Variants in SAMD3 observed in about 807,000 individuals in gnomAD.
SAMD3 encodes sterile alpha motif domain containing 3.
In SAMD3, 63 loss-of-function variants were observed where a neutral mutation model predicts 58.5. The ratio of observed to expected loss-of-function variants is 1.08; its 90% CI spans 0.88 to 1.33. SAMD3 has a LOEUF of 1.33. Among genes scored for constraint, SAMD3 ranks in the 40% most tolerant of loss-of-function variants. The pLI, the probability that SAMD3 is intolerant of heterozygous loss-of-function variation, is 0.00. For missense variants in SAMD3, 604 were observed against 608.4 expected (o/e 0.99, Z 0.08); for synonymous variants, 220 against 210.3 (o/e 1.05, Z -0.40).
chr6:130,287,960 AG>A (rs1775219921), intron 2 of SAMD3, among the ~76,000 whole-genome samples: 1 of 150,886 alleles, frequency 6.6e-6, no homozygotes, highest in Non-Finnish European at 1.5e-5. Context: ...AAAAAAAAAA[AG>A]AGTTACAGGT....
chr6:130,271,348 C>T (rs1050415654), intron 2 of SAMD3, among the ~76,000 whole-genome samples: 3 of 152,090 alleles, frequency 2.0e-5, no homozygotes, highest in African/African-American at 7.2e-5. Context: ...CTTCCCTATC[C>T]CTGTGTACTA....
chr6:130,328,523 G>A (rs893263229), intron 1 of SAMD3, among the ~76,000 whole-genome samples: 1 of 152,138 alleles, frequency 6.6e-6, no homozygotes, highest in African/African-American at 2.4e-5. Flanking sequence ...TAGCCTATGA[G>A]GAAACTGAAT....
In SAMD3 at chr6:130,180,105, G is replaced by A. The variant is rs142337057; in HGVS notation, c.654+3998C>T. 1.6e-3 allele frequency among the ~76,000 whole-genome samples: 234 copies of A among 150,924 alleles called. 1 individual carries two copies. Among genetic ancestry groups the A allele is most frequent in the Non-Finnish European group, 2.5e-3 (171 of 67,802 alleles). ...GCTAGGATTACAGGCGTGAACCACC[G>A]TACACGACCTTTTTTTTTATTATTA... On this transcript the variant is annotated intron_variant, in intron 7 of 11. Transcript: ENST00000439090.
chr6:130,278,485 A>G (rs1185754021), intron 2 of SAMD3, among the ~76,000 whole-genome samples: 1 of 152,186 alleles, frequency 6.6e-6, no homozygotes, highest in East Asian at 1.9e-4. Flanking sequence ...ACACAATAAA[A>G]GAGTATTTCT....
intron 1 of SAMD3, among the ~76,000 whole-genome samples, chr6:130,339,055 T>C (rs1275356601): frequency 6.6e-6 from 1 of 152,114 alleles, no homozygotes; most frequent in African/African-American, 2.4e-5. Flanking sequence ...TCGTTTTGTT[T>C]TGTTTTTTTG....
intron 7 of SAMD3, among the ~76,000 whole-genome samples, chr6:130,176,387 C>A (rs1256278487): frequency 6.6e-6 from 1 of 152,174 alleles, no homozygotes; most frequent in Non-Finnish European, 1.5e-5. Flanking sequence ...TAGAAAAGAC[C>A]TGATAGTGGC....
intron 2 of SAMD3, among the ~76,000 whole-genome samples, chr6:130,309,544 T>C (rs975692474): frequency 2.0e-5 from 3 of 151,906 alleles, no homozygotes; most frequent in Non-Finnish European, 4.4e-5. Flanking sequence ...AACTACAGAG[T>C]AAAAAAATCA....
intron 2 of SAMD3, among the ~76,000 whole-genome samples, chr6:130,306,493 G>C (rs140089851): frequency 1.3e-5 from 2 of 152,314 alleles, no homozygotes; most frequent in Admixed American, 6.5e-5. Flanking sequence ...CTTCTGCTAA[G>C]CATCTACTCT....
chr6:130,359,050 C>CT lies in SAMD3; in HGVS notation c.-304+6069dup, dbSNP rs543362666. 5.1e-3 allele frequency among the ~76,000 whole-genome samples: 770 copies of CT among 152,248 alleles called. 4 individuals are homozygous for CT. Among genetic ancestry groups the CT allele is most frequent in the Admixed American group, 6.7e-3 (103 of 15,300 alleles). ...TCCTCCACTTACTTACTTGGATAAA[C>CT]TACTTAATCTCCCTTACTCCAGTTA... On this transcript the variant is annotated intron_variant, in intron 1 of 13. Transcript: ENST00000368134.
chr6:130,205,817 C>T (rs117409612), intron 5 of SAMD3, among the ~76,000 whole-genome samples: 2,577 of 152,262 alleles, frequency 0.017, 25 homozygotes, highest in South Asian at 0.042. Context: ...GGAAGGGCTC[C>T]GTGCCTGGCC....
Position 130,267,067 on chromosome 6 carries a change from C to T in SAMD3, c.-187-44254G>A, listed in dbSNP as rs145118859. ...CTATCTATCAAAATAGACTAGCTCT[C>T]GACTACTTGCTACTGGCTGAAGGAG... On this transcript the variant is annotated intron_variant, in intron 2 of 13. Transcript: ENST00000368134. 2.2e-4 allele frequency among the ~76,000 whole-genome samples: 33 copies of T among 152,264 alleles called. No homozygotes were observed. The East Asian group carries it at 4.0e-3, about 19-fold the overall frequency.
Position 130,214,363 on chromosome 6 carries a change from C to G in SAMD3, c.243G>C (p.Leu81=), listed in dbSNP as rs753786569. The change falls in exon 4 of 12, where the codon CTG becomes CTC. Residue 81 remains leucine (L), a synonymous_variant. Coordinates refer to ENST00000439090, the MANE Select transcript of SAMD3 (RefSeq NM_001017373.4). ...CTCGAGCTGCTTCTGTTTGCATGAC[C>G]AGGGCTGCCTTTTTGGGGTTTTCTG... ...KSPENPKKAA[L]VMQTEAARDY... 2 of 1,604,370 alleles carry G rather than the reference C, an allele frequency of 1.2e-6. No homozygotes were observed. The highest frequency in any genetic ancestry group is 1.7e-5 in the Admixed American group (1 of 58,330).
chr6:130,226,907 G>A (rs1375473714), upstream of SAMD3, among the ~76,000 whole-genome samples: 1 of 152,136 alleles, frequency 6.6e-6, no homozygotes, highest in Non-Finnish European at 1.5e-5. Flanking sequence ...AGCTAAGGAT[G>A]TACAATAAAT....
intron 5 of SAMD3, among the ~76,000 whole-genome samples, chr6:130,205,912 G>C (rs1215626633): frequency 1.3e-5 from 2 of 152,102 alleles, no homozygotes; most frequent in African/African-American, 4.8e-5. Flanking sequence ...CATACAGTAG[G>C]CCCTTAATGA....
chr6:130,297,463 C>T (rs901541939), intron 2 of SAMD3, among the ~76,000 whole-genome samples: 3 of 152,200 alleles, frequency 2.0e-5, no homozygotes, highest in Non-Finnish European at 4.4e-5. Context: ...CACAAGAACT[C>T]TGAAAGTACT....
chr6:130,336,281 T>C (rs1191733293), intron 1 of SAMD3, among the ~76,000 whole-genome samples: 1 of 152,186 alleles, frequency 6.6e-6, no homozygotes, highest in Non-Finnish European at 1.5e-5. Flanking sequence ...ATCCCTGCTT[T>C]ACAGATAAGG....
intron 7 of SAMD3, chr6:130,183,479 A>G (rs1258815243): frequency 2.1e-5 from 9 of 421,174 alleles, no homozygotes; most frequent in Non-Finnish European, 1.4e-5. Flanking sequence ...CAACAGCTCC[A>G]CTGGGTCTGA....
intron 1 of SAMD3, among the ~76,000 whole-genome samples, chr6:130,361,201 G>A (rs1223503591): frequency 6.6e-6 from 1 of 151,986 alleles, no homozygotes; most frequent in Non-Finnish European, 1.5e-5. Context: ...AAGTGTCCAT[G>A]AAAACTTCAC....
At chr6:130,333,796 C>G (rs1014904305) in intron 1 of SAMD3, among the ~76,000 whole-genome samples, 1 of 152,180 alleles carries the variant, frequency 6.6e-6, no homozygotes, top group African/African-American at 2.4e-5. Flanking sequence ...TAGCTCATCA[C>G]AGTCATCTAT....
Sources: allele counts gnomAD v4.1 joint callset (sites outside exome capture counted in the v4.1 genomes callset), GRCh38; gene constraint gnomAD v4.1.1; transcripts MANE v1.5; gene names NCBI Gene and HGNC (gene_info 2026-07-23, HGNC 2026-07-21).